The following TSHZ2 variants were observed in gnomAD, a reference collection of about 807,000 sequenced individuals.
The protein encoded by TSHZ2 is teashirt zinc finger homeobox 2.
TSHZ2 carries 21 observed loss-of-function variants against 74.4 expected under a neutral mutation model. The observed-to-expected ratio is 0.28, with a 90% CI of 0.20 to 0.41. The LOEUF (loss-of-function observed/expected upper bound fraction) is 0.41, where lower values mean the gene tolerates loss of function less well. Among genes scored for constraint, TSHZ2 ranks in the 10% least tolerant of loss-of-function variants. The pLI, the probability that TSHZ2 is intolerant of heterozygous loss-of-function variation, is 1.00. For missense variants in TSHZ2, 1,244 were observed against 1,293.5 expected, an observed-to-expected ratio of 0.96 and a Z score of 0.59; for synonymous variants, 540 against 515.3, an observed-to-expected ratio of 1.05 and a Z score of -0.65.
intron 1 of TSHZ2, among the ~76,000 whole-genome samples, chr20:53,103,132 C>T (rs1049682953): frequency 8.5e-5 from 13 of 152,058 alleles, no homozygotes; most frequent in African/African-American, 3.1e-4. Context: ...AGTTCTAAAG[C>T]CCTGGTGTAG....
At chr20:53,186,568 G>A (rs757644903) in intron 1 of TSHZ2, among the ~76,000 whole-genome samples, 29 of 152,146 alleles carry the variant, frequency 1.9e-4, no homozygotes, top group Non-Finnish European at 2.8e-4. Context: ...GTGGTCTCAG[G>A]TTGCCATCCT....
chr20:53,014,837 G>C (rs1297482452), intron 1 of TSHZ2, among the ~76,000 whole-genome samples: 2 of 152,154 alleles, frequency 1.3e-5, no homozygotes, highest in African/African-American at 4.8e-5. Context: ...TGAAGCCCCA[G>C]TACAACGCTT....
intron 2 of TSHZ2, among the ~76,000 whole-genome samples, chr20:53,426,295 T>C (rs952452275): frequency 4.6e-5 from 7 of 152,138 alleles, no homozygotes; most frequent in Admixed American, 1.3e-4. Context: ...CTGTGTAAAA[T>C]TGAACATGAA....
intron 1 of TSHZ2, among the ~76,000 whole-genome samples, chr20:53,237,188 G>C (rs1430417604): frequency 6.6e-6 from 1 of 152,194 alleles, no homozygotes; most frequent in African/African-American, 2.4e-5. Context: ...TCATTTGGAA[G>C]CAAACAGGGT....
chr20:53,336,888 A>G (rs1377148780), intron 2 of TSHZ2, among the ~76,000 whole-genome samples: 1 of 152,126 alleles, frequency 6.6e-6, no homozygotes, highest in East Asian at 1.9e-4. Context: ...CACTTGAGTA[A>G]ATACATACAA....
intron 1 of TSHZ2, among the ~76,000 whole-genome samples, chr20:52,981,391 A>C (rs1179192810): frequency 2.6e-5 from 4 of 152,176 alleles, no homozygotes; most frequent in Non-Finnish European, 5.9e-5. Context: ...TCCACTTTCT[A>C]ATCTATAAAA....
At chr20:53,472,835 C>T (rs1985861232) in intron 2 of TSHZ2, among the ~76,000 whole-genome samples, 1 of 151,982 alleles carries the variant, frequency 6.6e-6, no homozygotes, top group East Asian at 2.0e-4. Context: ...TGAGGCATTG[C>T]CTCACTCGGG....
intron 1 of TSHZ2, among the ~76,000 whole-genome samples, chr20:53,196,730 C>G (rs1279697767): frequency 6.6e-6 from 1 of 152,178 alleles, no homozygotes; most frequent in African/African-American, 2.4e-5. Context: ...TCAGTGTTTT[C>G]TGGTTAGCAT....
chr20:53,163,629 C>A (rs2123469465), intron 1 of TSHZ2, among the ~76,000 whole-genome samples: 1 of 152,032 alleles, frequency 6.6e-6, no homozygotes, highest in South Asian at 2.1e-4. Context: ...CAGCCAGTAG[C>A]TGTGGTGTGG....
rs978172047 is a variant in TSHZ2 at position 53,253,598 on chromosome 20, A to G, written c.140A>G (p.Asp47Gly). Residue 47 changes from aspartate (D) to glycine (G), a missense_variant, in exon 2 of 3, where the codon GAC becomes GGC. Physicochemically the swap from Asp to Gly is moderately conservative, Grantham distance 94 (BLOSUM62 -1). Around this residue, in one of 6 missense-constraint regions of TSHZ2, gnomAD observed 470 missense variants for 456.5 expected, o/e 1.03. Coordinates refer to ENST00000371497, the MANE Select transcript of TSHZ2 (RefSeq NM_173485.6). ...GTAGCTCAACTGCAGGGTGGCAATG[A>G]CACAGGGACGGACGAGGAGCTAGAA... Reference protein sequence around the residue: ...GSVAQLQGGNDTGTDEELETG... With the variant: ...GSVAQLQGGNGTGTDEELETG... The G allele has an allele frequency of 1.2e-6, 2 of 1,614,182 alleles. No individual in the cohort carries two copies. The highest frequency in any genetic ancestry group is 2.7e-5 in the African/African-American group (2 of 75,046).
chr20:53,471,858 G>T (rs544943080), intron 2 of TSHZ2, among the ~76,000 whole-genome samples: 2 of 143,850 alleles, frequency 1.4e-5, no homozygotes, highest in East Asian at 4.2e-4. Context: ...CCAGGCTGGA[G>T]CACAATGGCA....
chr20:53,351,290 A>G (rs78102628), intron 2 of TSHZ2, among the ~76,000 whole-genome samples: 2,610 of 152,258 alleles, frequency 0.017, 101 homozygotes, highest in African/African-American at 0.06. Context: ...AATATTTTGC[A>G]TGGTTAAAAA....
At chr20:52,988,138 C>T (rs1224835952) in intron 1 of TSHZ2, among the ~76,000 whole-genome samples, 1 of 152,046 alleles carries the variant, frequency 6.6e-6, no homozygotes, top group Non-Finnish European at 1.5e-5. Context: ...GATGATGGTG[C>T]TAATGATGAA....
At chr20:53,079,374 C>T (rs1328358406) in intron 1 of TSHZ2, among the ~76,000 whole-genome samples, 1 of 152,140 alleles carries the variant, frequency 6.6e-6, no homozygotes, top group South Asian at 2.1e-4. Flanking sequence ...ATATCTCATG[C>T]GGGTTGCCAG....
chr20:53,437,807 C>T (rs944372147), intron 2 of TSHZ2, among the ~76,000 whole-genome samples: 4 of 152,190 alleles, frequency 2.6e-5, no homozygotes, highest in South Asian at 2.1e-4. Flanking sequence ...GTTCACACCA[C>T]GGCTGACTGT....
intron 1 of TSHZ2, among the ~76,000 whole-genome samples, chr20:53,034,876 T>C (rs1360774974): frequency 6.6e-6 from 1 of 152,200 alleles, no homozygotes; most frequent in Non-Finnish European, 1.5e-5. Flanking sequence ...CTGAGTGTGA[T>C]GGAAACGATT....
intron 1 of TSHZ2, among the ~76,000 whole-genome samples, chr20:53,184,959 T>C (rs887713989): frequency 1.9e-4 from 29 of 152,236 alleles, no homozygotes; most frequent in Non-Finnish European, 3.5e-4. Flanking sequence ...TCTGCCCGCA[T>C]TGGCCTCCTA....
chr20:53,458,935 T>C (rs1167225185), intron 2 of TSHZ2, among the ~76,000 whole-genome samples: 1 of 152,246 alleles, frequency 6.6e-6, no homozygotes, highest in East Asian at 1.9e-4. Flanking sequence ...AGATAGTTTG[T>C]TACAATTTCT....
At chr20:53,237,355 T>C (rs986390112) in intron 1 of TSHZ2, among the ~76,000 whole-genome samples, 2 of 152,170 alleles carry the variant, frequency 1.3e-5, no homozygotes, top group African/African-American at 2.4e-5. Flanking sequence ...TGAGTGATGG[T>C]AGAAACCTTC....
Sources: allele counts gnomAD v4.1 joint callset (sites outside exome capture counted in the v4.1 genomes callset), GRCh38; gene constraint gnomAD v4.1.1; regional missense constraint gnomAD v4.1.1; transcripts MANE v1.5; gene names NCBI Gene and HGNC (gene_info 2026-07-23, HGNC 2026-07-21).